MAPK14: variants seen among roughly 807,000 people sequenced by gnomAD.
The protein encoded by MAPK14 is mitogen-activated protein kinase 14.
Under a neutral mutation model 49.6 loss-of-function variants are expected in MAPK14, and 16 were observed. The observed-to-expected ratio is 0.32, with a 90% CI of 0.22 to 0.49. MAPK14 has a LOEUF of 0.49. Ranked by LOEUF, MAPK14 falls within the 20% of genes least tolerant of loss-of-function variation. The pLI is 0.99. For synonymous variants in MAPK14, 142 were observed against 158.0 expected, an observed-to-expected ratio of 0.90 and a Z score of 0.76; for missense variants, 200 against 441.2, an observed-to-expected ratio of 0.45 and a Z score of 4.90.
chr6:36,054,846 G>A (rs1356145582), intron 2 of MAPK14, among the ~76,000 whole-genome samples: 2 of 151,952 alleles, frequency 1.3e-5, no homozygotes, highest in South Asian at 2.1e-4. Context: ...TTTTTATAGC[G>A]GCCAAACCTC....
chr6:36,088,164 G>T (rs7762483), intron 8 of MAPK14, among the ~76,000 whole-genome samples: 24,667 of 151,934 alleles, frequency 0.16, 2,735 homozygotes, highest in African/African-American at 0.32. Context: ...AACCCAAAAC[G>T]ATAAAAACCC....
intron 3 of MAPK14, among the ~76,000 whole-genome samples, chr6:36,061,760 G>A (rs941953641): frequency 6.6e-6 from 1 of 152,174 alleles, no homozygotes; most frequent in Non-Finnish European, 1.5e-5. Flanking sequence ...TTGGCCATAT[G>A]ACCTTGGACA....
intron 1 of MAPK14, among the ~76,000 whole-genome samples, chr6:36,034,370 G>A (rs1762655389): frequency 1.3e-5 from 2 of 152,086 alleles, no homozygotes; most frequent in Admixed American, 1.3e-4. Flanking sequence ...TGTAAAGTTG[G>A]GACTGTCTGT....
At position 36,060,441 on chromosome 6, in the gene MAPK14, C is replaced by T. The variant is rs548072520; in HGVS notation, c.305+1094C>T. On this transcript the variant is annotated intron_variant, in intron 3 of 11. Coordinates refer to ENST00000229794, the MANE Select transcript of MAPK14 (RefSeq NM_139012.3). ...CACTATACCATGAAAGAGAAAAAAA[C>T]CTTAAACACAGTTATACTTTTGGTC... Among the ~76,000 whole-genome samples, 3 of 152,298 alleles carry T rather than the reference C, an allele frequency of 2.0e-5. No individual in the cohort carries two copies. In the East Asian group the frequency reaches 5.8e-4, roughly 29 times the overall value.
At chr6:36,088,679 A>C (rs1031985076) in intron 8 of MAPK14, among the ~76,000 whole-genome samples, 1 of 151,196 alleles carries the variant, frequency 6.6e-6, no homozygotes, top group Non-Finnish European at 1.5e-5. Context: ...CCGAGATCAC[A>C]CCACTGCACT....
chr6:36,114,068 T>C (rs1203936602), downstream of MAPK14, among the ~76,000 whole-genome samples: 1 of 152,238 alleles, frequency 6.6e-6, no homozygotes, highest in Non-Finnish European at 1.5e-5. Flanking sequence ...GTGGAAGCTG[T>C]CCTGTGCAGT....
chr6:36,094,922 G>T (rs538458947), intron 8 of MAPK14, among the ~76,000 whole-genome samples: 4 of 152,294 alleles, frequency 2.6e-5, no homozygotes, highest in African/African-American at 9.6e-5. Context: ...TGAAGTTGAA[G>T]CTGAGACCTG....
chr6:36,034,137 G>A (rs1397077186), intron 1 of MAPK14, among the ~76,000 whole-genome samples: 4 of 152,186 alleles, frequency 2.6e-5, no homozygotes, highest in Non-Finnish European at 5.9e-5. Context: ...GAGCTTGAGT[G>A]TAGGAAAGCA....
intron 4 of MAPK14, 132 bp downstream of exon 4, chr6:36,073,116 T>C (rs1275533211): frequency 1.5e-6 from 1 of 675,696 alleles, no homozygotes; most frequent in Middle Eastern, 3.7e-4. Context: ...GTAAAGGTCA[T>C]ATAGTACAGT....
rs936455255 is a variant in MAPK14, at chr6:36,082,695, A to T, written c.682+6087A>T. ...ATGTGGGGAGGGAACCAAGCCATTC[A>T]TGAGGGATCCAAGACCCTAACACCT... is the stretch of plus-strand genomic sequence containing the variant. On this transcript the variant is annotated intron_variant, in intron 8 of 11. Coordinates refer to ENST00000229794, the MANE Select transcript of MAPK14 (RefSeq NM_139012.3). 8.5e-5 allele frequency among the ~76,000 whole-genome samples: 13 copies of T among 152,316 alleles called. No homozygotes were observed. The South Asian group carries it at 2.7e-3, about 32-fold the overall frequency.
chr6:36,053,949 GA>G (rs1763494564), intron 2 of MAPK14, among the ~76,000 whole-genome samples: 1 of 139,400 alleles, frequency 7.2e-6, no homozygotes, highest in Non-Finnish European at 1.6e-5. Flanking sequence ...TATTTCTACA[GA>G]CAACTTCTAT....
chr6:36,045,229 G>A (rs991530050), intron 1 of MAPK14, among the ~76,000 whole-genome samples: 3 of 152,040 alleles, frequency 2.0e-5, no homozygotes, highest in African/African-American at 7.2e-5. Context: ...TGTACTGATG[G>A]ATGCTCTAAA....
chr6:36,038,098 T>G (rs1477031833), intron 1 of MAPK14, among the ~76,000 whole-genome samples: 4 of 152,064 alleles, frequency 2.6e-5, no homozygotes, highest in African/African-American at 9.7e-5. Context: ...AGATAAGTGC[T>G]GTGGAGAAAA....
At chr6:36,121,670 T>G in the MAPK14 span, among the ~76,000 whole-genome samples, 1 of 151,876 alleles carries the variant, frequency 6.6e-6, no homozygotes, top group East Asian at 1.9e-4. Context: ...TGACTCTTAT[T>G]TTTTTAGAGA....
intron 9 of MAPK14, among the ~76,000 whole-genome samples, chr6:36,098,635 A>C (rs1232646950): frequency 6.6e-6 from 1 of 152,242 alleles, no homozygotes; most frequent in Non-Finnish European, 1.5e-5. Context: ...ACTTCTTGAC[A>C]GAAAGGGGAT....
At chr6:36,046,634 A>G (rs1401760944) in intron 1 of MAPK14, among the ~76,000 whole-genome samples, 1 of 152,246 alleles carries the variant, frequency 6.6e-6, no homozygotes, top group African/African-American at 2.4e-5. Context: ...CCAAAGTCCC[A>G]GCTCTTATTT....
intron 11 of MAPK14, among the ~76,000 whole-genome samples, chr6:36,108,116 C>G (rs540047532): frequency 6.6e-6 from 1 of 152,284 alleles, no homozygotes; most frequent in South Asian, 2.1e-4. Flanking sequence ...AGTGCTCTTT[C>G]ATTCTTGAGC....
intron 8 of MAPK14, chr6:36,092,535 G>T: frequency 2.0e-6 from 1 of 509,986 alleles, no homozygotes; most frequent in South Asian, 1.6e-5. Context: ...TTTACCAATA[G>T]GAGCCATGTA....
chr6:36,107,528 T>C lies in MAPK14; in HGVS notation c.915T>C (p.His305=), dbSNP rs752691926. The change falls in exon 11 of 12, where the codon CAT becomes CAC. Residue 305 remains histidine (H), a synonymous_variant. Transcript: ENST00000229794. The surrounding 1 kb of genome is among the most constrained non-coding windows in gnomAD (Gnocchi z 4.3). ...KRITAAQALA[H]AYFAQYHDPD... Reference sequence around the variant, plus strand: ...TTACAGCGGCCCAAGCCCTTGCACATGCCTACTTTGCTCAGTACCACGATC... The same window carrying C: ...TTACAGCGGCCCAAGCCCTTGCACACGCCTACTTTGCTCAGTACCACGATC... 1.2e-6 allele frequency: 2 copies of C among 1,607,084 alleles called. No individual in the cohort carries two copies. The highest frequency in any genetic ancestry group is 2.3e-5 in the South Asian group (2 of 88,818).
Sources: gnomAD v4.1 joint callset for allele counts (sites outside exome capture counted in the v4.1 genomes callset) on GRCh38, gnomAD v4.1.1 for gene constraint, Gnocchi (gnomAD v3.1) non-coding constraint, MANE v1.5 for transcripts, NCBI Gene and HGNC (gene_info 2026-07-23, HGNC 2026-07-21) for gene names.